Variants in CENPF observed in about 807,000 individuals in gnomAD.
CENPF encodes centromere protein F, also known as AH antigen.
CENPF carries 214 observed loss-of-function variants against 307.3 expected under a neutral mutation model. The observed-to-expected ratio is 0.70, with a 90% CI of 0.62 to 0.78. CENPF has a LOEUF of 0.78. Ranked by LOEUF, CENPF falls within the 30% of genes least tolerant of loss-of-function variation. The probability of loss-of-function intolerance (pLI) is 0.00; values close to 1 mark genes in which losing one functional copy is unlikely to be tolerated. For missense variants in CENPF, 3,401 were observed against 3,483.9 expected (o/e 0.98, Z 0.60); for synonymous variants, 1,259 against 1,270.6 (o/e 0.99, Z 0.19).
intron 16 of CENPF, 81 bp from the exon 17 acceptor site, chr1:214,655,160 A>G: frequency 1.2e-6 from 1 of 843,160 alleles, no homozygotes. Flanking sequence ...CAATATATGA[A>G]TCTTATATCT....
chr1:214,631,708 C>T (rs1374044098), intron 9 of CENPF, among the ~76,000 whole-genome samples: 2 of 152,180 alleles, frequency 1.3e-5, no homozygotes, highest in East Asian at 1.9e-4. Context: ...CCAGGTTGGC[C>T]AGGCTGGCCT....
Position 214,640,539 on chromosome 1 carries a change from A to T in CENPF, c.2201A>T (p.Asp734Val). ...KTSQLTGQVE[D>V]LEHKLQLLSN... Reference sequence around the variant, plus strand: ...TCTCAGCTTACTGGGCAAGTTGAAGATCTAGAACACAAGCTTCAGTTACTG... The same window carrying T: ...TCTCAGCTTACTGGGCAAGTTGAAGTTCTAGAACACAAGCTTCAGTTACTG... The change falls in exon 12 of 20, where the codon GAT becomes GTT. Residue 734 changes from aspartate (D) to valine (V), a missense_variant. Transcript: ENST00000366955. 6.2e-7 allele frequency: 1 copy of T among 1,614,178 alleles called. No individual in the cohort carries two copies. Among genetic ancestry groups the T allele is most frequent in the Non-Finnish European group, 8.5e-7 (1 of 1,180,010 alleles).
At chr1:214,631,765 G>A (rs963988909) in intron 9 of CENPF, among the ~76,000 whole-genome samples, 1 of 152,196 alleles carries the variant, frequency 6.6e-6, no homozygotes, top group African/African-American at 2.4e-5. Flanking sequence ...CTCCCAAAGT[G>A]CTGGGATTAC....
Position 214,663,884 on chromosome 1 carries a change from C to T in CENPF, c.*90C>T. On this transcript the variant is annotated 3_prime_UTR_variant, in exon 20 of 20. Transcript: ENST00000366955. ...AGGACTTCTCTTTAGTCAGGGCATG[C>T]TTTATTAGTGAGGAGAAAACAATTC... The T allele has an allele frequency of 1.0e-6, 1 of 978,192 alleles. No individual in the cohort carries two copies. Among genetic ancestry groups the T allele is most frequent in the Non-Finnish European group, 1.5e-6 (1 of 659,422 alleles). The allele number at this position is 978,192 out of a possible 1,614,324, so 60.6% of individuals were successfully genotyped here. A position where few individuals can be genotyped will look rare whatever the true frequency, so the allele number is the denominator to read the frequency against.
In CENPF at chr1:214,641,639, C is replaced by A; in HGVS notation, c.3301C>A (p.Leu1101Ile). The A allele has an allele frequency of 3.8e-6, 6 of 1,567,580 alleles. No homozygotes were observed. Among genetic ancestry groups the A allele is most frequent in the Non-Finnish European group, 5.2e-6 (6 of 1,161,350 alleles). The change falls in exon 12 of 20, where the codon CTA (leucine) becomes ATA (isoleucine). Residue 1101 changes from leucine to isoleucine, a missense_variant. By Grantham distance (5) the Leu-to-Ile change is conservative. Transcript: ENST00000366955. The part of the protein sequence containing the change: ...FAEERNQNLM[L>I]ELETVQQALR... ...TGAAGAAAGAAATCAGAATCTGATG[C>A]TAGAGTTGGAGACAGTGCAGCAAGC...
rs1382388929 is a variant in CENPF at position 214,618,565 on chromosome 1, T to C, written c.360-8T>C. On this transcript the variant is annotated splice_region_variant and splice_polypyrimidine_tract_variant and intron_variant, in intron 3 of 19. Transcript: ENST00000366955. ...GATTTGTCTGCCTCTTGGGTCCTTT[T>C]CTAACAGGTGTAAATCTGAGCTTGA... 2.5e-6 allele frequency: 4 copies of C among 1,613,210 alleles called. No homozygotes were observed. The Admixed American group carries it at 5.0e-5, about 20-fold the overall frequency.
At chr1:214,648,547 G>A (rs771733427) in intron 13 of CENPF, 128 bp from the exon 14 acceptor site, 22 of 995,952 alleles carry the variant, frequency 2.2e-5, no homozygotes, top group Middle Eastern at 2.0e-4. Flanking sequence ...TAGTAAAGGC[G>A]GGATTAGCCA....
chr1:214,634,024 C>A (rs1407265552), intron 10 of CENPF, among the ~76,000 whole-genome samples: 3 of 152,190 alleles, frequency 2.0e-5, no homozygotes, highest in African/African-American at 7.2e-5. Context: ...GCTTGCTTGG[C>A]CAAGTCGCAG....
At position 214,646,600 on chromosome 1, in the gene CENPF, G is replaced by C. The variant is rs1172417799; in HGVS notation, c.7030G>C (p.Glu2344Gln). The C allele has an allele frequency of 1.2e-6, 2 of 1,614,098 alleles. No homozygotes were observed. Among genetic ancestry groups the C allele is most frequent in the Non-Finnish European group, 1.7e-6 (2 of 1,180,008 alleles). The part of the protein sequence containing the change: ...LKGRVENLER[E>Q]LEIARTNQEH... ...GGGTAGAGTGGAGAACCTTGAAAGA[G>C]AGCTAGAGATAGCCAGGACAAACCA... Residue 2344 changes from glutamate (E) to glutamine (Q), a missense_variant, in exon 13 of 20, where the codon GAG becomes CAG. Coordinates refer to ENST00000366955, the MANE Select transcript of CENPF (RefSeq NM_016343.4).
chr1:214,611,338 A>G (rs1657194907), intron 1 of CENPF, among the ~76,000 whole-genome samples: 1 of 151,024 alleles, frequency 6.6e-6, no homozygotes, highest in Non-Finnish European at 1.5e-5. Flanking sequence ...CATTTGTGTC[A>G]CTCTGATTTC....
chr1:214,640,101 TA>T lies in CENPF; in HGVS notation c.1765del (p.Ser589AlafsTer11). 1 of 1,589,132 alleles carries T rather than the reference TA, an allele frequency of 6.3e-7. No homozygotes were observed. The highest frequency in any genetic ancestry group is 8.5e-7 in the Non-Finnish European group (1 of 1,173,838). On this transcript the variant is annotated frameshift_variant, in exon 12 of 20. Coordinates refer to ENST00000366955, the MANE Select transcript of CENPF (RefSeq NM_016343.4). LOFTEE classifies it high-confidence loss of function. Reference protein sequence around the residue: ...EHHIEQLNDKLSKTEKESKAL... With the variant: ...EHHIEQLNDKXSKTEKESKAL... ...CACATTGAACAACTTAATGATAAGT[TA>T]AGCAAGACAGAGAAAGAGTCCAAAG...
rs1658335901 is a variant in CENPF at position 214,647,200 on chromosome 1, G to A, written c.7630G>A (p.Val2544Met). The A allele has an allele frequency of 2.5e-6, 4 of 1,613,982 alleles. No homozygotes were observed. The highest frequency in any genetic ancestry group is 3.3e-5 in the Admixed American group (2 of 59,998). ...GCAGCTTGTCTCTAAACTGTCCCAG[G>A]TGGAAGGAGAGCACCAACTTTGGAA... ...QEQLVSKLSQ[V>M]EGEHQLWKEQ... The change falls in exon 13 of 20, where the codon GTG becomes ATG. Residue 2544 changes from valine (V) to methionine (M), a missense_variant. Physicochemically the swap from Val to Met is conservative, Grantham distance 21. Transcript: ENST00000366955.
intron 16 of CENPF, 25 bp from the exon 17 acceptor site, chr1:214,655,216 A>C (rs779553472): frequency 6.7e-7 from 1 of 1,488,452 alleles, no homozygotes; most frequent in South Asian, 1.4e-5. Context: ...TCAAGGTTTT[A>C]AATGGAATTA....
rs530673709 is a variant in CENPF at position 214,659,475 on chromosome 1, G to C, written c.9141+447G>C. ...AAAAAAAAAAGCACATATTTCAATA[G>C]ATATCTAAGGAAAGGAACTCTGTTT... On this transcript the variant is annotated intron_variant, in intron 19 of 19. Transcript: ENST00000366955. The surrounding 1 kb of genome is among the most constrained non-coding windows in gnomAD (Gnocchi z 4.4). Among the ~76,000 whole-genome samples, 1 of 149,496 alleles carries C rather than the reference G, an allele frequency of 6.7e-6. No homozygotes were observed. The highest frequency in any genetic ancestry group is 2.1e-4 in the South Asian group (1 of 4,714).
chr1:214,623,950 CAT>C (rs1401688328), intron 7 of CENPF, among the ~76,000 whole-genome samples: 1 of 152,158 alleles, frequency 6.6e-6, no homozygotes. Context: ...TTGTAGTAGA[CAT>C]ACTTCTATTA....
In CENPF at chr1:214,615,157, C is replaced by T. The variant is rs12046097; in HGVS notation, c.359+129C>T. 3,945 of 565,286 alleles carry T rather than the reference C, an allele frequency of 7.0e-3. 144 individuals carry two copies. The East Asian group carries it at 0.088, about 13-fold the overall frequency. 35.0% of individuals were successfully genotyped at this position (565,286 alleles called of 1,614,324 possible). A position where few individuals can be genotyped will look rare whatever the true frequency, so the allele number is the denominator to read the frequency against. ...TTTCCTGGTAGAATAAGTAATGATT[C>T]GGTCTCTGTACCGTAACTTGAAAGA... On this transcript the variant is annotated intron_variant, in intron 3 of 19. Transcript: ENST00000366955.
chr1:214,627,588 C>CT (rs774006669), intron 7 of CENPF, among the ~76,000 whole-genome samples: 1 of 150,526 alleles, frequency 6.6e-6, no homozygotes, highest in Non-Finnish European at 1.5e-5. Context: ...GTTGGCCAGG[C>CT]TGGTCTCAAA....
At chr1:214,651,977 C>G in intron 15 of CENPF, 91 bp downstream of exon 15, 1 of 1,161,234 alleles carries the variant, frequency 8.6e-7, no homozygotes. Flanking sequence ...AATCAATATT[C>G]TGGGTTATTA....
At chr1:214,625,378 G>A (rs918785715) in intron 7 of CENPF, among the ~76,000 whole-genome samples, 3 of 151,918 alleles carry the variant, frequency 2.0e-5, no homozygotes, top group East Asian at 3.9e-4. Context: ...CCACGACCAT[G>A]CCCGGCTAAT....
Sources: gnomAD v4.1 joint callset for allele counts (sites outside exome capture counted in the v4.1 genomes callset) on GRCh38, gnomAD v4.1.1 for gene constraint, Gnocchi (gnomAD v3.1) non-coding constraint, MANE v1.5 for transcripts, NCBI Gene and HGNC (gene_info 2026-07-23, HGNC 2026-07-21) for gene names.